Variants in EYS observed in about 807,000 individuals in gnomAD.
EYS encodes protein eyes shut homolog.
In EYS, 250 loss-of-function variants were observed where a neutral mutation model predicts 282.1. The observed-to-expected ratio is 0.89, with a 90% CI of 0.80 to 0.98. The LOEUF (loss-of-function observed/expected upper bound fraction) is 0.98, where lower values mean the gene tolerates loss of function less well. Ranked by LOEUF, EYS falls within the 50% of genes least tolerant of loss-of-function variation. The pLI is 0.00. For missense variants in EYS, 4,016 were observed against 3,709.0 expected (o/e 1.08, Z -2.15); for synonymous variants, 1,355 against 1,282.9 (o/e 1.06, Z -1.20).
At chr6:64,878,102 G>A (rs9363286) in intron 19 of EYS, among the ~76,000 whole-genome samples, 23,487 of 151,872 alleles carry the variant, frequency 0.15, 2,136 homozygotes, top group East Asian at 0.49. Flanking sequence ...GTGTGGTGGC[G>A]AGCACCCGTA....
At chr6:63,810,884 A>G (rs1771030620) in intron 36 of EYS, among the ~76,000 whole-genome samples, 1 of 152,178 alleles carries the variant, frequency 6.6e-6, no homozygotes, top group African/African-American at 2.4e-5. Context: ...TTGCTGAGAA[A>G]AACCCATCAA....
chr6:65,672,745 ACAT>A (rs1768435801), intron 1 of EYS, among the ~76,000 whole-genome samples: 1 of 152,180 alleles, frequency 6.6e-6, no homozygotes, highest in Non-Finnish European at 1.5e-5. Context: ...TAAAATGACA[ACAT>A]CAACAAAGAC....
intron 33 of EYS, among the ~76,000 whole-genome samples, chr6:64,049,927 C>T (rs1038764837): frequency 6.6e-6 from 1 of 152,126 alleles, no homozygotes; most frequent in Admixed American, 6.6e-5. Context: ...AATTCAACTC[C>T]TTACAGAGCC....
At chr6:65,243,784 C>T (rs1767112371) in intron 12 of EYS, among the ~76,000 whole-genome samples, 1 of 152,042 alleles carries the variant, frequency 6.6e-6, no homozygotes, top group African/African-American at 2.4e-5. Flanking sequence ...TGGCACGGGC[C>T]TGTAATCCTA....
chr6:63,843,173 C>T (rs753166812), intron 36 of EYS, among the ~76,000 whole-genome samples: 18 of 152,138 alleles, frequency 1.2e-4, no homozygotes, highest in Admixed American at 5.9e-4. Flanking sequence ...ATAGGAATAG[C>T]ATTGAATTTA....
At chr6:64,697,403 C>T (rs899047892) in intron 22 of EYS, among the ~76,000 whole-genome samples, 4 of 152,030 alleles carry the variant, frequency 2.6e-5, no homozygotes, top group Non-Finnish European at 4.4e-5. Flanking sequence ...ATTATTAGAC[C>T]TAAGGAAAGG....
chr6:65,121,849 T>A (rs1371799660), intron 12 of EYS, among the ~76,000 whole-genome samples: 1 of 152,162 alleles, frequency 6.6e-6, no homozygotes. Context: ...TTTACTTAGG[T>A]TATTTTCATT....
chr6:65,383,290 G>A (rs943043515), intron 8 of EYS, among the ~76,000 whole-genome samples: 2 of 151,554 alleles, frequency 1.3e-5, no homozygotes, highest in African/African-American at 4.8e-5. Context: ...TTTGTTAAAT[G>A]TTTTCTGAAG....
Position 64,637,319 on chromosome 6 carries a change from A to C in EYS, c.3444-11074T>G, listed in dbSNP as rs1478094403. 2.2e-5 allele frequency among the ~76,000 whole-genome samples: 2 copies of C among 88,974 alleles called. 1 individual carries two copies. Among genetic ancestry groups the C allele is most frequent in the Non-Finnish European group, 4.8e-5 (2 of 41,588 alleles). The allele number at this position is 88,974 out of a possible 152,430, so 58.4% of individuals were successfully genotyped here. ...GGACATGGATGAAACTGGAAACCAT[A>C]ATTCTCAGCAAACTATCGCAAGGAC... is the stretch of plus-strand genomic sequence containing the variant. On this transcript the variant is annotated intron_variant, in intron 22 of 42. Transcript: ENST00000503581.
intron 31 of EYS, among the ~76,000 whole-genome samples, chr6:64,175,743 C>T (rs4310034): frequency 1 from 151,761 of 152,202 alleles, 75,662 homozygotes; most frequent in Non-Finnish European, 1. Flanking sequence ...AAGTTTGTCA[C>T]GCAATCTCGG....
chr6:64,301,854 C>T (rs1769249506), intron 30 of EYS, among the ~76,000 whole-genome samples: 1 of 152,180 alleles, frequency 6.6e-6, no homozygotes, highest in South Asian at 2.1e-4. Flanking sequence ...GTGGAGACCA[C>T]ATAATTTCCT....
intron 24 of EYS, among the ~76,000 whole-genome samples, chr6:64,605,146 C>G (rs772915890): frequency 6.6e-6 from 1 of 151,884 alleles, no homozygotes; most frequent in South Asian, 2.1e-4. Context: ...GAGAAACTTA[C>G]TTAGGTTACC....
chr6:64,643,667 G>A (rs996580105), intron 22 of EYS, among the ~76,000 whole-genome samples: 2 of 152,140 alleles, frequency 1.3e-5, no homozygotes, highest in Non-Finnish European at 2.9e-5. Context: ...CCCAGGGGCT[G>A]GTTACTGAAT....
At chr6:65,179,842 A>G (rs1185824437) in intron 12 of EYS, among the ~76,000 whole-genome samples, 1 of 152,070 alleles carries the variant, frequency 6.6e-6, no homozygotes, top group African/African-American at 2.4e-5. Context: ...GCAGCACATC[A>G]AAAAGCTTAT....
At chr6:64,537,622 G>C (rs1041005033) in intron 26 of EYS, among the ~76,000 whole-genome samples, 3 of 151,980 alleles carry the variant, frequency 2.0e-5, no homozygotes, top group African/African-American at 7.3e-5. Flanking sequence ...TTACTTATTA[G>C]ACTTCCACTT....
intron 31 of EYS, among the ~76,000 whole-genome samples, chr6:64,191,699 G>A (rs1765117142): frequency 6.6e-6 from 1 of 152,078 alleles, no homozygotes; most frequent in Non-Finnish European, 1.5e-5. Flanking sequence ...TGGTGTATAT[G>A]TGCCACATTT....
chr6:64,746,751 A>C (rs140046270), intron 22 of EYS, among the ~76,000 whole-genome samples: 1 of 152,208 alleles, frequency 6.6e-6, no homozygotes, highest in African/African-American at 2.4e-5. Context: ...TTTGTGGAGG[A>C]TAAAGCAACT....
intron 12 of EYS, among the ~76,000 whole-genome samples, chr6:65,060,539 T>C (rs758446588): frequency 6.6e-6 from 1 of 151,862 alleles, no homozygotes; most frequent in Non-Finnish European, 1.5e-5. Context: ...CTCTCTCTTA[T>C]CCTTCCCTGT....
intron 15 of EYS, among the ~76,000 whole-genome samples, chr6:64,922,805 G>A (rs537147777): frequency 6.4e-4 from 98 of 152,218 alleles, no homozygotes; most frequent in African/African-American, 2.3e-3. Flanking sequence ...AGGTCACAAG[G>A]TAACAGAGAC....
Sources: gnomAD v4.1 joint callset for allele counts (sites outside exome capture counted in the v4.1 genomes callset) on GRCh38, gnomAD v4.1.1 for gene constraint, MANE v1.5 for transcripts, NCBI Gene and HGNC (gene_info 2026-07-23, HGNC 2026-07-21) for gene names.